The following IL15 variants were observed in gnomAD, a reference collection of about 807,000 sequenced individuals.
IL15 encodes interleukin-15.
A neutral mutation model predicts 19.6 loss-of-function variants in IL15; 11 were observed. The observed-to-expected ratio is 0.56, with a 90% confidence interval of 0.35 to 0.93. IL15 has a LOEUF of 0.93. Among genes scored for constraint, IL15 ranks in the 40% least tolerant of loss-of-function variants. The pLI is 0.01. For synonymous variants in IL15, 58 were observed against 59.6 expected, an observed-to-expected ratio of 0.97 and a Z score of 0.12; for missense variants, 197 against 186.5, an observed-to-expected ratio of 1.06 and a Z score of -0.33.
intron 1 of IL15, among the ~76,000 whole-genome samples, chr4:141,655,144 G>A (rs1727546211): frequency 6.6e-6 from 1 of 152,098 alleles, no homozygotes; most frequent in Non-Finnish European, 1.5e-5. Flanking sequence ...GCTCCTGCAG[G>A]ATTCATCAAT....
chr4:141,710,644 T>A (rs1415002826), intron 2 of IL15, among the ~76,000 whole-genome samples: 1 of 152,142 alleles, frequency 6.6e-6, no homozygotes, highest in Non-Finnish European at 1.5e-5. Flanking sequence ...TTTCTGTATA[T>A]TTTTACTGCA....
intron 1 of IL15, among the ~76,000 whole-genome samples, chr4:141,652,120 T>G (rs1167660665): frequency 6.6e-6 from 1 of 151,996 alleles, no homozygotes; most frequent in East Asian, 1.9e-4. Flanking sequence ...GCAGAAAAAA[T>G]GAAAAGCAAA....
intron 1 of IL15, among the ~76,000 whole-genome samples, chr4:141,653,102 A>T (rs1727466018): frequency 6.6e-6 from 1 of 152,180 alleles, no homozygotes; most frequent in South Asian, 2.1e-4. Flanking sequence ...ACATTTTAAT[A>T]GTTAAACAAT....
At chr4:141,649,974 A>T (rs763904780) in intron 1 of IL15, among the ~76,000 whole-genome samples, 1 of 152,136 alleles carries the variant, frequency 6.6e-6, no homozygotes, top group Admixed American at 6.6e-5. Flanking sequence ...TTGGGAGACG[A>T]TGAGGATGCC....
At chr4:141,640,137 C>G (rs993146633) in intron 1 of IL15, among the ~76,000 whole-genome samples, 4 of 152,006 alleles carry the variant, frequency 2.6e-5, no homozygotes, top group African/African-American at 9.7e-5. Flanking sequence ...TGACAGAAAG[C>G]CTGAAGGACA....
At chr4:141,661,508 T>C (rs1035342468) in intron 2 of IL15, among the ~76,000 whole-genome samples, 1 of 152,140 alleles carries the variant, frequency 6.6e-6, no homozygotes, top group Admixed American at 6.5e-5. Flanking sequence ...CCTCGTAAGA[T>C]CCAATGGACT....
chr4:141,652,325 C>T (rs1157083644), intron 1 of IL15, among the ~76,000 whole-genome samples: 1 of 152,140 alleles, frequency 6.6e-6, no homozygotes, highest in East Asian at 1.9e-4. Flanking sequence ...GAAGGAAGAA[C>T]CAGCAGTGCT....
chr4:141,654,550 A>G (rs1727523086), intron 1 of IL15, among the ~76,000 whole-genome samples: 1 of 152,198 alleles, frequency 6.6e-6, no homozygotes, highest in Admixed American at 6.5e-5. Flanking sequence ...TTTAGAGTTT[A>G]TAACATTCTT....
At chr4:141,728,142 G>A (rs1730330813) in intron 6 of IL15, among the ~76,000 whole-genome samples, 158 bp downstream of exon 6, 1 of 151,908 alleles carries the variant, frequency 6.6e-6, no homozygotes, top group Admixed American at 6.6e-5. Flanking sequence ...TATTGAGATG[G>A]GACTTGGGGA....
chr4:141,715,181 A>G (rs1729841044), intron 2 of IL15: 1 of 152,170 alleles, frequency 6.6e-6, no homozygotes, highest in Non-Finnish European at 1.5e-5. Context: ...CTATCATAAA[A>G]AATGATTCCA....
chr4:141,675,795 C>G (rs941400501), intron 2 of IL15, among the ~76,000 whole-genome samples: 3 of 152,174 alleles, frequency 2.0e-5, no homozygotes, highest in African/African-American at 7.2e-5. Flanking sequence ...GCAGCTACAA[C>G]AGCAGGTGCA....
intron 2 of IL15, among the ~76,000 whole-genome samples, chr4:141,681,769 T>C (rs139130905): frequency 3.4e-3 from 516 of 152,286 alleles, no homozygotes; most frequent in Non-Finnish European, 5.9e-3. Context: ...TCTTTTCAGT[T>C]AATAACCCAA....
intron 5 of IL15, among the ~76,000 whole-genome samples, chr4:141,727,073 A>T (rs1408122470): frequency 6.6e-6 from 1 of 152,158 alleles, no homozygotes; most frequent in African/African-American, 2.4e-5. Context: ...AGAAATGGCT[A>T]GGCAGAGCAC....
chr4:141,710,640 T>C (rs571896370), intron 2 of IL15, among the ~76,000 whole-genome samples: 7 of 152,150 alleles, frequency 4.6e-5, no homozygotes, highest in Non-Finnish European at 1.0e-4. Context: ...GTTTTTTCTG[T>C]ATATTTTTAC....
chr4:141,648,437 C>G (rs938292710), intron 1 of IL15, among the ~76,000 whole-genome samples: 3 of 151,968 alleles, frequency 2.0e-5, no homozygotes, highest in Admixed American at 6.6e-5. Flanking sequence ...AAACAGAAAT[C>G]CTTTCATTTT....
chr4:141,686,779 T>C (rs919275289), intron 2 of IL15, among the ~76,000 whole-genome samples: 4 of 152,238 alleles, frequency 2.6e-5, no homozygotes, highest in African/African-American at 7.2e-5. Flanking sequence ...TGGGAAATTA[T>C]AGGCAACAAA....
intron 2 of IL15, among the ~76,000 whole-genome samples, chr4:141,663,326 A>C (rs1395154540): frequency 6.6e-6 from 1 of 152,224 alleles, no homozygotes; most frequent in African/African-American, 2.4e-5. Flanking sequence ...TCCCCATTAT[A>C]AAGGTCACAG....
chr4:141,693,017 A>C (rs895852540), intron 2 of IL15, among the ~76,000 whole-genome samples: 1 of 102,506 alleles, frequency 9.8e-6, no homozygotes, highest in Non-Finnish European at 1.9e-5. Context: ...ACTCCGTCTC[A>C]AAAAAAAAAA....
At position 141,732,723 on chromosome 4, in the gene IL15, C is replaced by G. The variant is rs755777438; in HGVS notation, c.379-15C>G. On this transcript the variant is annotated splice_polypyrimidine_tract_variant and intron_variant, in intron 7 of 7. Coordinates refer to ENST00000320650, the MANE Select transcript of IL15 (RefSeq NM_000585.5). ...ATTATAAATTGCCAATTTAATCTCT[C>G]TCTATATTTTGCAGAATGTAACAGA... The G allele has an allele frequency of 1.2e-6, 2 of 1,605,766 alleles. No individual in the cohort carries two copies. Among genetic ancestry groups the G allele is most frequent in the Non-Finnish European group, 1.7e-6 (2 of 1,177,884 alleles).
Sources: gnomAD v4.1 joint callset for allele counts (sites outside exome capture counted in the v4.1 genomes callset) on GRCh38, gnomAD v4.1.1 for gene constraint, MANE v1.5 for transcripts, NCBI Gene and HGNC (gene_info 2026-07-23, HGNC 2026-07-21) for gene names.